Variants in PLCH1 observed in about 807,000 individuals in gnomAD.
PLCH1 encodes phospholipase C eta 1, also known as 1-phosphatidylinositol 4,5-bisphosphate phosphodiesterase eta-1.
PLCH1 carries 60 observed loss-of-function variants against 126.7 expected under a neutral mutation model. The ratio of observed to expected loss-of-function variants is 0.47; its 90% CI spans 0.38 to 0.59. PLCH1 has a LOEUF of 0.59. Among genes scored for constraint, PLCH1 ranks in the 20% least tolerant of loss-of-function variants. The pLI is 0.00. For synonymous variants in PLCH1, 719 were observed against 734.9 expected (o/e 0.98, Z 0.35); for missense variants, 1,723 against 2,040.0 (o/e 0.84, Z 2.99).
In PLCH1 at chr3:155,492,929, GAAAC is replaced by G. The variant is rs150586128; in HGVS notation, c.2183-80_2183-77del. ...TGCACAGCTTAAGCTTGTAAACAAAGAAACAAACAAACAAAAACAAATGCTGAAT... is the reference window on the plus strand; with the variant it reads ...TGCACAGCTTAAGCTTGTAAACAAAGAAACAAACAAAAACAAATGCTGAAT... On this transcript the variant is annotated intron_variant, in intron 17 of 22. Coordinates refer to ENST00000460012, the MANE Select transcript of PLCH1 (RefSeq NM_014996.4). 2.4e-3 allele frequency: 2,964 copies of G among 1,241,412 alleles called. 47 individuals carry two copies. The African/African-American group carries it at 0.039, about 16-fold the overall frequency. The allele number at this position is 1,241,412 out of a possible 1,614,324, so 76.9% of individuals were successfully genotyped here.
At chr3:155,637,039 A>G (rs1043938357) in intron 2 of PLCH1, among the ~76,000 whole-genome samples, 28 of 152,192 alleles carry the variant, frequency 1.8e-4, no homozygotes, top group Non-Finnish European at 1.9e-4. Flanking sequence ...GAACAACAAC[A>G]AAACAGTCAT....
At chr3:155,490,944 CA>C in intron 18 of PLCH1, 76 bp from the exon 19 acceptor site, 1 of 814,708 alleles carries the variant, frequency 1.2e-6, no homozygotes, top group Non-Finnish European at 2.0e-6. Context: ...GAATATTGGC[CA>C]AAATGTCTAC....
At chr3:155,743,810 G>A (rs1749793727) in intron 1 of PLCH1, 1 of 245,522 alleles carries the variant, frequency 4.1e-6, no homozygotes, top group South Asian at 4.0e-5. Flanking sequence ...CCTGGGTTAG[G>A]AGGCACAGAT....
At position 155,485,618 on chromosome 3, in the gene PLCH1, G is replaced by C; in HGVS notation, c.2712C>G (p.Ser904=). ...TGCGTCGCAGAATTCTATCTCCAAT[G>C]GATCGCTTCCGTACATAATGGGAAT... ...ENNSHYVRKR[S]IGDRILRRTA... is the part of the protein sequence containing the mutation. Residue 904 remains serine, a synonymous_variant, in exon 22 of 23, where the codon TCC becomes TCG. Transcript: ENST00000460012. 1 of 1,613,258 alleles carries C rather than the reference G, an allele frequency of 6.2e-7. No individual in the cohort carries two copies. Among genetic ancestry groups the C allele is most frequent in the Non-Finnish European group, 8.5e-7 (1 of 1,179,932 alleles).
downstream of PLCH1, among the ~76,000 whole-genome samples, chr3:155,477,454 A>G (rs1177186372): frequency 6.6e-6 from 1 of 152,174 alleles, no homozygotes; most frequent in African/African-American, 2.4e-5. Context: ...CAAAGTGAAG[A>G]GACAACACAC....
At chr3:155,612,491 C>T (rs761743628) in intron 2 of PLCH1, among the ~76,000 whole-genome samples, 10 of 151,532 alleles carry the variant, frequency 6.6e-5, no homozygotes, top group Non-Finnish European at 8.8e-5. Flanking sequence ...AAGAAATAAC[C>T]AAGATCAGAG....
At chr3:155,704,396 G>A in intron 1 of PLCH1, 132 bp from the exon 2 acceptor site, 1 of 395,572 alleles carries the variant, frequency 2.5e-6, no homozygotes, top group East Asian at 3.6e-5. Context: ...CACACATGGA[G>A]CTGGAATCCC....
chr3:155,556,443 G>A (rs1726833810), intron 8 of PLCH1, among the ~76,000 whole-genome samples: 1 of 152,154 alleles, frequency 6.6e-6, no homozygotes, highest in South Asian at 2.1e-4. Context: ...CCCTATATGT[G>A]TGTTTTGTGT....
intron 2 of PLCH1, among the ~76,000 whole-genome samples, chr3:155,658,876 T>G (rs1741755792): frequency 6.6e-6 from 1 of 152,154 alleles, no homozygotes; most frequent in African/African-American, 2.4e-5. Context: ...CCAAAAGCAA[T>G]CACAGTTCAA....
chr3:155,472,786 A>G lies in PLCH1; in HGVS notation c.2938+12570T>C, dbSNP rs1165051500. Among the ~76,000 whole-genome samples, 5 of 150,552 alleles carry G rather than the reference A, an allele frequency of 3.3e-5. No homozygotes were observed. In the South Asian group the frequency reaches 1.0e-3, roughly 31 times the overall value. On this transcript the variant is annotated intron_variant, in intron 21 of 21. Transcript: ENST00000494598. ...AGGCTGGTTCAATATACGTAAATCA[A>G]TAAATGTAATCCAGCATATAAACAG... is the stretch of plus-strand genomic sequence containing the variant.
chr3:155,498,705 C>T (rs1044859414), intron 14 of PLCH1, among the ~76,000 whole-genome samples: 2 of 152,146 alleles, frequency 1.3e-5, no homozygotes, highest in African/African-American at 4.8e-5. Flanking sequence ...TTACTTTCTT[C>T]TTTATACTTT....
At chr3:155,610,099 G>A (rs1037949467) in intron 2 of PLCH1, among the ~76,000 whole-genome samples, 1 of 152,004 alleles carries the variant, frequency 6.6e-6, no homozygotes, top group African/African-American at 2.4e-5. Context: ...GTGGATCACA[G>A]CTATAATCCC....
intron 20 of PLCH1, 125 bp downstream of exon 20, chr3:155,488,535 G>T: frequency 2.2e-6 from 2 of 889,574 alleles, no homozygotes; most frequent in Non-Finnish European, 3.3e-6. Flanking sequence ...TTTGTTAAAA[G>T]TCACATTTAT....
intron 12 of PLCH1, among the ~76,000 whole-genome samples, chr3:155,510,141 G>A (rs1719231031): frequency 1.5e-5 from 1 of 68,922 alleles, no homozygotes; most frequent in Non-Finnish European, 2.5e-5. Flanking sequence ...ATCTTTGTTG[G>A]TTTAAAGTCT....
intron 2 of PLCH1, among the ~76,000 whole-genome samples, chr3:155,684,776 T>C (rs1253857478): frequency 6.6e-6 from 1 of 152,130 alleles, no homozygotes; most frequent in Non-Finnish European, 1.5e-5. Context: ...TCTACAGAAA[T>C]GAAAAATCAA....
rs143744022 is a variant in PLCH1, at chr3:155,488,272, A to G, written c.2540-165T>C. Among the ~76,000 whole-genome samples the G allele has an allele frequency of 1.3e-3, 192 of 151,934 alleles. No individual in the cohort carries two copies. In the East Asian group the frequency reaches 0.018, roughly 14 times the overall value. On this transcript the variant is annotated intron_variant, in intron 20 of 22. Transcript: ENST00000460012. ...GAATGCAGTGGCATGATCTTGGCTCACTGCAAACCCCGCCTCCTGGGTTCA... is the reference window on the plus strand; with the variant it reads ...GAATGCAGTGGCATGATCTTGGCTCGCTGCAAACCCCGCCTCCTGGGTTCA...
chr3:155,500,724 T>C lies in PLCH1; in HGVS notation c.1775A>G (p.Lys592Arg), dbSNP rs1202198543. 1 of 1,612,622 alleles carries C rather than the reference T, an allele frequency of 6.2e-7. No homozygotes were observed. The highest frequency in any genetic ancestry group is 8.5e-7 in the Non-Finnish European group (1 of 1,178,620). Residue 592 changes from lysine to arginine, a missense_variant, in exon 14 of 23, where the codon AAG (lysine) becomes AGG (arginine). Lys to Arg is a conservative substitution (Grantham distance 26). Transcript: ENST00000460012. Reference sequence around the variant, plus strand: ...TTACCTGTACAGCTGGCCACCCTCCTTGCCAGTACTCTGCTGTGTGTCTTC... The same window carrying C: ...TTACCTGTACAGCTGGCCACCCTCCCTGCCAGTACTCTGCTGTGTGTCTTC... ...DEEDTQQSTG[K>R]EGGQLYRLGR...
rs1406021918 is a variant in PLCH1, at chr3:155,610,384, A to C, written c.80-14006T>G. 7.3e-5 allele frequency among the ~76,000 whole-genome samples: 11 copies of C among 150,182 alleles called. No homozygotes were observed. The East Asian group carries it at 2.1e-3, about 29-fold the overall frequency. ...CTGGAGAAAAAAAAAAAAAAAAAAA[A>C]AAAAACCATCACCTAGGCACATTGT... is the stretch of plus-strand genomic sequence containing the variant. On this transcript the variant is annotated intron_variant, in intron 2 of 22. Coordinates refer to ENST00000460012, the MANE Select transcript of PLCH1 (RefSeq NM_014996.4).
At chr3:155,556,221 C>T (rs532983404) in intron 8 of PLCH1, among the ~76,000 whole-genome samples, 17 of 152,250 alleles carry the variant, frequency 1.1e-4, no homozygotes, top group African/African-American at 4.1e-4. Context: ...TGTGTGGTGG[C>T]GGATGCCTGT....
Sources: gnomAD v4.1 joint callset for allele counts (sites outside exome capture counted in the v4.1 genomes callset) on GRCh38, gnomAD v4.1.1 for gene constraint, MANE v1.5 for transcripts, NCBI Gene and HGNC (gene_info 2026-07-23, HGNC 2026-07-21) for gene names.